Variants in HMCN1 observed in about 807,000 individuals in gnomAD.
HMCN1 encodes hemicentin 1, also known as hemicentin-1.
In HMCN1, 321 loss-of-function variants were observed where a neutral mutation model predicts 625.9. The ratio of observed to expected loss-of-function variants is 0.51; its 90% CI spans 0.47 to 0.56. The LOEUF (loss-of-function observed/expected upper bound fraction) is 0.56, where lower values mean the gene tolerates loss of function less well. Ranked by LOEUF, HMCN1 falls within the 20% of genes least tolerant of loss-of-function variation. The pLI is 0.00. For missense variants in HMCN1, 6,588 were observed against 6,887.3 expected, an observed-to-expected ratio of 0.96 and a Z score of 1.54; for synonymous variants, 2,425 against 2,417.6, an observed-to-expected ratio of 1.00 and a Z score of -0.09.
At chr1:186,138,618 T>C (rs1034476334) in intron 89 of HMCN1, among the ~76,000 whole-genome samples, 2 of 152,206 alleles carry the variant, frequency 1.3e-5, no homozygotes, top group African/African-American at 4.8e-5. Flanking sequence ...TTAAACTCTT[T>C]CCATGTGGTG....
chr1:186,091,052 A>T, intron 64 of HMCN1, 135 bp downstream of exon 64: 1 of 1,035,862 alleles, frequency 9.7e-7, no homozygotes, highest in East Asian at 2.6e-5. Context: ...ACAAAGAAAC[A>T]AAAAACTTTT....
chr1:185,807,798 C>A (rs1279303965), intron 1 of HMCN1, among the ~76,000 whole-genome samples: 1 of 151,918 alleles, frequency 6.6e-6, no homozygotes, highest in Non-Finnish European at 1.5e-5. Context: ...TCCTTGCAGT[C>A]TGAAAGATGA....
intron 90 of HMCN1, 27 bp downstream of exon 90, chr1:186,144,370 T>A: frequency 6.2e-7 from 1 of 1,609,656 alleles, no homozygotes; most frequent in Admixed American, 1.7e-5. Flanking sequence ...GTTTATACCT[T>A]AATAAATTAA....
intron 86 of HMCN1, among the ~76,000 whole-genome samples, chr1:186,133,890 C>T (rs1332184914): frequency 7.4e-6 from 1 of 134,730 alleles, no homozygotes; most frequent in South Asian, 2.4e-4. Flanking sequence ...CCTCCTTAGG[C>T]ATACCAAATT....
intron 4 of HMCN1, 131 bp downstream of exon 4, chr1:185,865,994 A>C: frequency 1.3e-6 from 1 of 797,414 alleles, no homozygotes; most frequent in Non-Finnish European, 2.1e-6. Context: ...GCCACAGTTC[A>C]ATAAAGGCAT....
Position 186,144,669 on chromosome 1 carries a change from C to T in HMCN1, c.14232C>T (p.Val4744=), listed in dbSNP as rs1185799594. ...GAAGGAAATGCGAAGGGAGTGATGTCCAGAGTGATTTTTGCAACAGTGACC... is the reference window on the plus strand; with the variant it reads ...GAAGGAAATGCGAAGGGAGTGATGTTCAGAGTGATTTTTGCAACAGTGACC... ...YGGRKCEGSD[V]QSDFCNSDPC... The change falls in exon 91 of 107, where the codon GTC becomes GTT. Residue 4744 remains valine, a synonymous_variant. Coordinates refer to ENST00000271588, the MANE Select transcript of HMCN1 (RefSeq NM_031935.3). 1 of 1,614,020 alleles carries T rather than the reference C, an allele frequency of 6.2e-7. No individual in the cohort carries two copies. The highest frequency in any genetic ancestry group is 8.5e-7 in the Non-Finnish European group (1 of 1,179,978).
At position 186,093,537 on chromosome 1, in the gene HMCN1, T is replaced by C. The variant is rs146143836; in HGVS notation, c.10064T>C (p.Leu3355Ser). 282 of 1,613,452 alleles carry C rather than the reference T, an allele frequency of 1.7e-4. No individual in the cohort carries two copies. The African/African-American group carries it at 3.4e-3, about 19-fold the overall frequency. Residue 3355 changes from leucine to serine, a missense_variant, in exon 66 of 107, where the codon TTA (leucine) becomes TCA (serine). Leu to Ser is a moderately radical substitution (Grantham distance 145). This residue lies in a region of HMCN1 where 4,628 missense variants were observed against 4,853.1 expected (regional missense o/e 0.95). Coordinates refer to ENST00000271588, the MANE Select transcript of HMCN1 (RefSeq NM_031935.3). ...GATGAAGCAGAGAAACTAATGACTT[T>C]AGTGGATACTTCAATAAATATTGAA... is the stretch of plus-strand genomic sequence containing the variant. Reference protein sequence around the residue: ...NKDEAEKLMTLVDTSINIECR... With the variant: ...NKDEAEKLMTSVDTSINIECR...
intron 57 of HMCN1, among the ~76,000 whole-genome samples, 192 bp downstream of exon 57, chr1:186,083,153 C>T (rs922756090): frequency 6.6e-6 from 1 of 152,066 alleles, no homozygotes; most frequent in Non-Finnish European, 1.5e-5. Flanking sequence ...CTTCCAGGAA[C>T]ACAGTTTTTA....
chr1:185,964,888 T>C (rs1441508682), intron 13 of HMCN1, among the ~76,000 whole-genome samples: 6 of 152,026 alleles, frequency 3.9e-5, no homozygotes, highest in African/African-American at 1.4e-4. Flanking sequence ...TGTTGTATTT[T>C]GGGCTATCAG....
chr1:186,063,500 AG>A (rs1484748144), intron 48 of HMCN1, among the ~76,000 whole-genome samples: 1 of 143,846 alleles, frequency 7.0e-6, no homozygotes, highest in Non-Finnish European at 1.5e-5. Flanking sequence ...GAAGGAAGGA[AG>A]GAAGGAAGGA....
intron 47 of HMCN1, among the ~76,000 whole-genome samples, chr1:186,062,192 G>C (rs1389115626): frequency 6.6e-6 from 1 of 152,138 alleles, no homozygotes; most frequent in Non-Finnish European, 1.5e-5. Flanking sequence ...ATTCTGAGAG[G>C]CTGAATGACT....
At chr1:185,858,440 T>G (rs1446808469) in intron 2 of HMCN1, among the ~76,000 whole-genome samples, 1 of 151,748 alleles carries the variant, frequency 6.6e-6, no homozygotes, top group Admixed American at 6.6e-5. Context: ...TATTTATTTA[T>G]TTTTTGAGAC....
intron 2 of HMCN1, among the ~76,000 whole-genome samples, chr1:185,850,563 G>A (rs1191635559): frequency 2.0e-5 from 3 of 152,060 alleles, no homozygotes; most frequent in Non-Finnish European, 2.9e-5. Context: ...CCAGGGTGAA[G>A]GATCCTGATT....
chr1:185,759,847 T>A (rs1287731070), intron 1 of HMCN1, among the ~76,000 whole-genome samples: 3 of 152,096 alleles, frequency 2.0e-5, no homozygotes, highest in Non-Finnish European at 4.4e-5. Flanking sequence ...TGTAATGGGA[T>A]TGTGAATATG....
At chr1:186,129,899 A>G in intron 83 of HMCN1, 67 bp from the exon 84 acceptor site, 1 of 1,591,324 alleles carries the variant, frequency 6.3e-7, no homozygotes, top group Non-Finnish European at 8.6e-7. Flanking sequence ...TGTGCAAAAT[A>G]CTGAGCTGTC....
At chr1:186,098,202 T>C (rs1235024148) in intron 68 of HMCN1, among the ~76,000 whole-genome samples, 2 of 151,710 alleles carry the variant, frequency 1.3e-5, no homozygotes, top group Non-Finnish European at 2.9e-5. Context: ...AATAGACAAA[T>C]GGTATTATAT....
intron 84 of HMCN1, 49 bp downstream of exon 84, chr1:186,130,149 A>G (rs1558245785): frequency 1.2e-6 from 2 of 1,609,448 alleles, no homozygotes; most frequent in Non-Finnish European, 1.7e-6. Context: ...CATAATGAAT[A>G]GTTCAAGTTT....
chr1:186,039,904 A>G, intron 39 of HMCN1, 25 bp downstream of exon 39: 1 of 1,604,530 alleles, frequency 6.2e-7, no homozygotes, highest in Non-Finnish European at 8.5e-7. Flanking sequence ...TTCTTTGGTG[A>G]CATTTACCAC....
chr1:185,866,484 G>A (rs1235484418), intron 4 of HMCN1, among the ~76,000 whole-genome samples: 6 of 144,552 alleles, frequency 4.2e-5, no homozygotes, highest in South Asian at 2.2e-4. Flanking sequence ...AGCTCACTGC[G>A]AGCTCTGCCT....
Sources: allele counts gnomAD v4.1 joint callset (sites outside exome capture counted in the v4.1 genomes callset), GRCh38; gene constraint gnomAD v4.1.1; regional missense constraint gnomAD v4.1.1; transcripts MANE v1.5; gene names NCBI Gene and HGNC (gene_info 2026-07-23, HGNC 2026-07-21).